The following GPRC6A variants were observed in gnomAD, a reference collection of about 807,000 sequenced individuals.
GPRC6A encodes G protein-coupled receptor class C group 6 member A, also known as G protein-coupled receptor family C group 6 member A.
GPRC6A carries 54 observed loss-of-function variants against 47.0 expected under a neutral mutation model. The observed-to-expected ratio is 1.15, with a 90% CI of 0.92 to 1.44. GPRC6A has a LOEUF of 1.44. GPRC6A is among the 40% of genes most tolerant of loss of function. The pLI is 0.00. For missense variants in GPRC6A, 1,112 were observed against 1,105.5 expected (o/e 1.01, Z -0.08); for synonymous variants, 347 against 377.1 (o/e 0.92, Z 0.93).
intron 1 of GPRC6A, among the ~76,000 whole-genome samples, chr6:116,821,552 G>A (rs1263443578): frequency 3.3e-5 from 5 of 152,080 alleles, no homozygotes; most frequent in South Asian, 2.1e-4. Context: ...CAGAAATAAC[G>A]TCACATATCT....
At chr6:116,812,233 GA>G (rs1208887306) in intron 1 of GPRC6A, among the ~76,000 whole-genome samples, 1 of 152,076 alleles carries the variant, frequency 6.6e-6, no homozygotes, top group African/African-American at 2.4e-5. Flanking sequence ...AAGTGTTGAG[GA>G]AAAAACCCTG....
intron 4 of GPRC6A, among the ~76,000 whole-genome samples, chr6:116,796,082 C>T (rs930484907): frequency 4.6e-5 from 7 of 151,898 alleles, no homozygotes; most frequent in African/African-American, 1.4e-4. Context: ...GAAATTAGCC[C>T]TTTCAGAAAG....
rs7766459 is a variant in GPRC6A at position 116,797,740 on chromosome 6, C to G, written c.1549-1905G>C. ...CAAAAATAATAACCATCTCTGCATT[C>G]AAAAAGGAAATGAATCAGAGCATGT... is the stretch of plus-strand genomic sequence containing the variant. On this transcript the variant is annotated intron_variant, in intron 4 of 5. Coordinates refer to ENST00000310357, the MANE Select transcript of GPRC6A (RefSeq NM_148963.4). 1.9e-3 allele frequency among the ~76,000 whole-genome samples: 286 copies of G among 152,174 alleles called. 2 individuals are homozygous for G. Among genetic ancestry groups the G allele is most frequent in the African/African-American group, 6.6e-3 (274 of 41,508 alleles).
At chr6:116,803,138 G>T (rs1319573334) in intron 3 of GPRC6A, among the ~76,000 whole-genome samples, 1 of 151,848 alleles carries the variant, frequency 6.6e-6, no homozygotes, top group Non-Finnish European at 1.5e-5. Context: ...TCCAATATTG[G>T]AATCATCTGC....
chr6:116,798,928 A>G, intron 4 of GPRC6A, among the ~76,000 whole-genome samples: 1 of 151,154 alleles, frequency 6.6e-6, no homozygotes, highest in Non-Finnish European at 1.5e-5. Flanking sequence ...ATAAGAGGGG[A>G]GGCAGAAAAC....
At chr6:116,819,112 G>T (rs1320862935) in intron 1 of GPRC6A, among the ~76,000 whole-genome samples, 1 of 151,994 alleles carries the variant, frequency 6.6e-6, no homozygotes, top group Non-Finnish European at 1.5e-5. Flanking sequence ...AGACAAAGAA[G>T]GCCATTACAT....
At chr6:116,808,178 G>C (rs1772914276) in intron 2 of GPRC6A, among the ~76,000 whole-genome samples, 1 of 151,958 alleles carries the variant, frequency 6.6e-6, no homozygotes, top group Non-Finnish European at 1.5e-5. Flanking sequence ...AAATAGATGC[G>C]AGCACATGGT....
chr6:116,823,279 TCTTCTGCCAGATACC>T (rs1773566672), intron 1 of GPRC6A, among the ~76,000 whole-genome samples: 1 of 152,102 alleles, frequency 6.6e-6, no homozygotes, highest in African/African-American at 2.4e-5. Context: ...CTTAGAAATT[TCTTCTGCCAGATACC>T]CTAAATCATC....
chr6:116,817,493 A>G (rs1371113575), intron 1 of GPRC6A, among the ~76,000 whole-genome samples: 1 of 152,230 alleles, frequency 6.6e-6, no homozygotes, highest in Non-Finnish European at 1.5e-5. Flanking sequence ...TCCTCCTCCA[A>G]AGGAACGCAG....
At position 116,807,040 on chromosome 6, in the gene GPRC6A, C is replaced by T. The variant is rs745906895; in HGVS notation, c.665G>A (p.Arg222Gln). The T allele has an allele frequency of 1.2e-5, 20 of 1,613,608 alleles. No homozygotes were observed. The highest frequency in any genetic ancestry group is 1.7e-5 in the Admixed American group (1 of 59,918). The change falls in exon 3 of 6, where the codon CGA becomes CAA. Residue 222 changes from arginine (R) to glutamine (Q), a missense_variant. Physicochemically the swap from Arg to Gln is conservative, Grantham distance 43 (BLOSUM62 1). Coordinates refer to ENST00000310357, the MANE Select transcript of GPRC6A (RefSeq NM_148963.4). ...AATTATAAAAGTGTTAAGAGCCAATCGTCCATAGTCATCATCTGTGGTTAT... is the reference window on the plus strand; with the variant it reads ...AATTATAAAAGTGTTAAGAGCCAATTGTCCATAGTCATCATCTGTGGTTAT... ...GIITTDDDYGRLALNTFIIQA... is the reference protein window; with the variant it reads ...GIITTDDDYGQLALNTFIIQA...
chr6:116,800,637 C>T lies in GPRC6A; in HGVS notation c.1495G>A (p.Asp499Asn). 2 of 1,613,572 alleles carry T rather than the reference C, an allele frequency of 1.2e-6. No individual in the cohort carries two copies. The highest frequency in any genetic ancestry group is 1.7e-6 in the Non-Finnish European group (2 of 1,179,686). Residue 499 changes from aspartate (D) to asparagine (N), a missense_variant, in exon 4 of 6, where the codon GAT (aspartate) becomes AAT (asparagine). Transcript: ENST00000310357. Reference protein sequence around the residue: ...TKMAEYDLQNDVFIIPDQETK... With the variant: ...TKMAEYDLQNNVFIIPDQETK... ...TCCTGATCTGGGATGATGAAGACAT[C>T]ATTCTGTAGGTCATATTCTGCCATC...
intron 1 of GPRC6A, among the ~76,000 whole-genome samples, chr6:116,813,253 CTTACT>C (rs1034894956): frequency 3.9e-5 from 6 of 152,106 alleles, no homozygotes; most frequent in African/African-American, 1.4e-4. Flanking sequence ...ATTGGAAAAA[CTTACT>C]TTAAAGTTCA....
In GPRC6A at chr6:116,792,090, CAA is replaced by C; in HGVS notation, c.*50_*51del. 1 of 1,463,102 alleles carries C rather than the reference CAA, an allele frequency of 6.8e-7. No individual in the cohort carries two copies. Among genetic ancestry groups the C allele is most frequent in the South Asian group, 1.3e-5 (1 of 75,042 alleles). 90.6% of individuals were successfully genotyped at this position (1,463,102 alleles called of 1,614,324 possible). ...GGAAAGTAAATTTATATCTTAGATG[CAA>C]AGACCCTGGAAACATTTTATTCTGG... On this transcript the variant is annotated 3_prime_UTR_variant, in exon 6 of 6. Coordinates refer to ENST00000310357, the MANE Select transcript of GPRC6A (RefSeq NM_148963.4).
At chr6:116,800,491 C>T in intron 4 of GPRC6A, 93 bp downstream of exon 4, 1 of 796,176 alleles carries the variant, frequency 1.3e-6, no homozygotes, top group East Asian at 2.4e-5. Context: ...TGTGTTTGGC[C>T]AGATGAGTAT....
At chr6:116,793,347 A>G in intron 5 of GPRC6A, 97 bp from the exon 6 acceptor site, 2 of 785,588 alleles carry the variant, frequency 2.5e-6, no homozygotes, top group Non-Finnish European at 3.9e-6. Flanking sequence ...AATAGTTCTG[A>G]CTAGAGAATA....
Position 116,795,799 on chromosome 6 carries a change from C to G in GPRC6A, c.1585G>C (p.Gly529Arg), listed in dbSNP as rs762511597. The G allele has an allele frequency of 1.9e-6, 3 of 1,606,924 alleles. No homozygotes were observed. The highest frequency in any genetic ancestry group is 2.6e-6 in the Non-Finnish European group (3 of 1,174,622). The change falls in exon 5 of 6, where the codon GGG becomes CGG. Residue 529 changes from glycine (G) to arginine (R), a missense_variant. Physicochemically the swap from Gly to Arg is moderately radical, Grantham distance 125. Transcript: ENST00000310357. ...CTTCTTGTAGTTTTCTTCATTTGCC[C>G]AGGACTGCATTCCTTGGAGCATTTA... ...QSKCSKECSP[G>R]QMKKTTRSQH... is the part of the protein sequence containing the mutation.
Position 116,826,530 on chromosome 6 carries a change from C to CAAAACA in GPRC6A, c.194+2284_194+2289dup, listed in dbSNP as rs773104735. Among the ~76,000 whole-genome samples the CAAAACA allele has an allele frequency of 8.6e-5, 13 of 151,486 alleles. No individual in the cohort carries two copies. In the East Asian group the frequency reaches 1.2e-3, roughly 14 times the overall value. ...ATAGCTATTACTAAAAAGACAAAAA[C>CAAAACA]AAAACAAAAACAAAAACAAAAACAG... On this transcript the variant is annotated intron_variant, in intron 1 of 5. Coordinates refer to ENST00000310357, the MANE Select transcript of GPRC6A (RefSeq NM_148963.4).
In GPRC6A at chr6:116,806,598, G is replaced by A; in HGVS notation, c.1107C>T (p.Asp369=). 1 of 1,613,564 alleles carries A rather than the reference G, an allele frequency of 6.2e-7. No homozygotes were observed. The highest frequency in any genetic ancestry group is 1.3e-5 in the African/African-American group (1 of 75,012). Residue 369 remains aspartate, a synonymous_variant, in exon 3 of 6, where the codon GAC becomes GAT. Transcript: ENST00000310357. ...TGAATATGCATTGACTCAAATCAGT[G>A]TCCTTGACATATGCGCAGGCAGATA... ...MHLSACAYVK[D]TDLSQCIFNH...
In GPRC6A at chr6:116,806,611, G is replaced by C; in HGVS notation, c.1094C>G (p.Ala365Gly). 3 of 1,613,450 alleles carry C rather than the reference G, an allele frequency of 1.9e-6. No individual in the cohort carries two copies. The highest frequency in any genetic ancestry group is 1.7e-6 in the Non-Finnish European group (2 of 1,179,608). Residue 365 changes from alanine to glycine, a missense_variant, in exon 3 of 6, where the codon GCA becomes GGA. Transcript: ENST00000310357. ...ACTCAAATCAGTGTCCTTGACATAT[G>C]CGCAGGCAGATAAATGCATGGCATA... ...HEYAMHLSACAYVKDTDLSQC... is the reference protein window; with the variant it reads ...HEYAMHLSACGYVKDTDLSQC...
Sources: allele counts gnomAD v4.1 joint callset (sites outside exome capture counted in the v4.1 genomes callset), GRCh38; gene constraint gnomAD v4.1.1; transcripts MANE v1.5; gene names NCBI Gene and HGNC (gene_info 2026-07-23, HGNC 2026-07-21).